The following FRMD6 variants were observed in gnomAD, a reference collection of about 807,000 sequenced individuals.
FRMD6 encodes FERM domain-containing protein 6.
In FRMD6, 37 loss-of-function variants were observed where a neutral mutation model predicts 73.2. The ratio of observed to expected loss-of-function variants is 0.51; its 90% CI spans 0.39 to 0.66. The LOEUF is 0.66. FRMD6 is among the 30% of genes least tolerant of loss of function. The probability of loss-of-function intolerance (pLI) is 0.00; values close to 1 mark genes in which losing one functional copy is unlikely to be tolerated. For synonymous variants in FRMD6, 273 were observed against 282.2 expected (o/e 0.97, Z 0.33); for missense variants, 714 against 780.5 (o/e 0.91, Z 1.02).
chr14:51,523,791 C>T (rs975431487), intron 1 of FRMD6, among the ~76,000 whole-genome samples: 4 of 152,040 alleles, frequency 2.6e-5, no homozygotes, highest in African/African-American at 7.2e-5. Flanking sequence ...CAATTTAGGG[C>T]CAATTTAAAT....
At chr14:51,624,134 TG>T (rs1255263158) in intron 2 of FRMD6, among the ~76,000 whole-genome samples, 2 of 151,826 alleles carry the variant, frequency 1.3e-5, no homozygotes, top group Non-Finnish European at 2.9e-5. Context: ...AACAACACAC[TG>T]GGGCCTACCA....
At chr14:51,467,959 T>C in the FRMD6 span, among the ~76,000 whole-genome samples, 1 of 151,862 alleles carries the variant, frequency 6.6e-6, no homozygotes, top group Non-Finnish European at 1.5e-5. Context: ...GTGGAGGTTG[T>C]AGCGAGCCGA....
At position 51,675,017 on chromosome 14, in the gene FRMD6, T is replaced by C. The variant is rs565079767; in HGVS notation, c.-146-14674T>C. Among the ~76,000 whole-genome samples the C allele has an allele frequency of 2.1e-4, 32 of 152,266 alleles. 1 individual carries two copies. Among genetic ancestry groups the C allele is most frequent in the Admixed American group, 5.9e-4 (9 of 15,284 alleles). On this transcript the variant is annotated intron_variant, in intron 1 of 13. Coordinates refer to ENST00000344768, the MANE Select transcript of FRMD6 (RefSeq NM_001267046.2). ...CTTGGTTTGTATATTATTTCAAAAC[T>C]CTAGTTGAGAAGAGTTACAGAAATA...
the FRMD6 span, among the ~76,000 whole-genome samples, chr14:51,422,374 T>C: frequency 1.3e-5 from 2 of 152,194 alleles, no homozygotes; most frequent in Admixed American, 6.5e-5. Flanking sequence ...TTTTAAGTTT[T>C]CTTTGCTATA....
the FRMD6 span, among the ~76,000 whole-genome samples, chr14:51,462,754 A>AAAGAGAAGGGAGGAAG: frequency 4.6e-5 from 7 of 152,188 alleles, no homozygotes; most frequent in African/African-American, 1.7e-4. Context: ...AAAATAAAAT[A>AAAGAGAAGGGAGGAAG]AAGAGAAGGG....
intron 2 of FRMD6, among the ~76,000 whole-genome samples, chr14:51,642,535 T>TC (rs1891861196): frequency 6.6e-6 from 1 of 152,064 alleles, no homozygotes; most frequent in Non-Finnish European, 1.5e-5. Context: ...AAACTCCATC[T>TC]CCTAAGTAAA....
At chr14:51,587,962 C>CA (rs1462321305) in intron 2 of FRMD6, among the ~76,000 whole-genome samples, 4 of 151,812 alleles carry the variant, frequency 2.6e-5, no homozygotes, top group African/African-American at 4.9e-5. Flanking sequence ...CCCTGAGAGT[C>CA]AAGTGCTGTT....
chr14:51,597,235 A>G (rs141302803), intron 2 of FRMD6, among the ~76,000 whole-genome samples: 1 of 152,246 alleles, frequency 6.6e-6, no homozygotes, highest in Admixed American at 6.5e-5. Context: ...GTTTAAAAAA[A>G]TGAAATATAT....
At chr14:51,610,311 C>G (rs1566501143) in intron 2 of FRMD6, among the ~76,000 whole-genome samples, 1 of 143,054 alleles carries the variant, frequency 7.0e-6, no homozygotes, top group Non-Finnish European at 1.5e-5. Context: ...AGGTCCCATC[C>G]TATTCTTTTT....
At chr14:51,613,479 T>C (rs947171971) in intron 2 of FRMD6, among the ~76,000 whole-genome samples, 15 of 152,194 alleles carry the variant, frequency 9.9e-5, no homozygotes, top group African/African-American at 3.6e-4. Flanking sequence ...TGTGGATATG[T>C]GTACTTCTAA....
intron 2 of FRMD6, chr14:51,692,628 GAAGATAGTTATAGAGAACAGACTGGA>G: frequency 6.6e-6 from 1 of 152,202 alleles, no homozygotes; most frequent in Non-Finnish European, 1.5e-5. Flanking sequence ...CTCAGCTGAG[GAAGATAGTTATAGAGAACAGACTGGA>G]AGATAGCTAG....
intron 1 of FRMD6, among the ~76,000 whole-genome samples, chr14:51,527,165 A>G (rs1566794031): frequency 6.6e-6 from 1 of 152,190 alleles, no homozygotes; most frequent in Non-Finnish European, 1.5e-5. Flanking sequence ...CTTCGGAAAG[A>G]CTCTATATGA....
At chr14:51,396,730 T>C in the FRMD6 span, among the ~76,000 whole-genome samples, 12 of 152,304 alleles carry the variant, frequency 7.9e-5, no homozygotes, top group Non-Finnish European at 1.8e-4. Flanking sequence ...GGTGAGTCAT[T>C]AGAATCTCAT....
At chr14:51,422,882 C>G in the FRMD6 span, among the ~76,000 whole-genome samples, 1 of 152,178 alleles carries the variant, frequency 6.6e-6, no homozygotes, top group Non-Finnish European at 1.5e-5. Flanking sequence ...TACTTCACTG[C>G]CCTTTTGAAG....
At chr14:51,662,882 G>C (rs934945780) in intron 1 of FRMD6, among the ~76,000 whole-genome samples, 4 of 152,100 alleles carry the variant, frequency 2.6e-5, no homozygotes, top group African/African-American at 9.7e-5. Flanking sequence ...TGCAAAGTAT[G>C]TACTGACAAA....
At chr14:51,419,475 T>G in the FRMD6 span, among the ~76,000 whole-genome samples, 4 of 152,284 alleles carry the variant, frequency 2.6e-5, no homozygotes, top group East Asian at 5.8e-4. Flanking sequence ...CAGAAACACC[T>G]TAAAAGATCT....
At chr14:51,598,937 A>G (rs1889866852) in intron 2 of FRMD6, among the ~76,000 whole-genome samples, 1 of 152,046 alleles carries the variant, frequency 6.6e-6, no homozygotes. Flanking sequence ...GGTCAAATGT[A>G]GCTCTGTTTT....
At chr14:51,442,618 T>C in the FRMD6 span, among the ~76,000 whole-genome samples, 1 of 152,186 alleles carries the variant, frequency 6.6e-6, no homozygotes, top group Admixed American at 6.5e-5. Context: ...GCTCCCCACA[T>C]ATTATAAGCT....
intron 7 of FRMD6, among the ~76,000 whole-genome samples, chr14:51,708,529 C>T (rs892690849): frequency 8.6e-5 from 13 of 152,016 alleles, no homozygotes; most frequent in Non-Finnish European, 1.9e-4. Flanking sequence ...TGTTATTTCT[C>T]TCCTCCCCAA....
Sources: allele counts gnomAD v4.1 joint callset (sites outside exome capture counted in the v4.1 genomes callset), GRCh38; gene constraint gnomAD v4.1.1; transcripts MANE v1.5; gene names NCBI Gene and HGNC (gene_info 2026-07-23, HGNC 2026-07-21).